The following SOX6 variants were observed in gnomAD, a reference collection of about 807,000 sequenced individuals.
SOX6 encodes transcription factor SOX-6.
Under a neutral mutation model 97.8 loss-of-function variants are expected in SOX6, and 11 were observed. That is an observed-to-expected ratio of 0.11 (90% CI 0.07 to 0.19). SOX6 has a LOEUF of 0.19. Among genes scored for constraint, SOX6 ranks in the 10% least tolerant of loss-of-function variants. The probability of loss-of-function intolerance (pLI) is 1.00; values close to 1 mark genes in which losing one functional copy is unlikely to be tolerated. For missense variants in SOX6, 810 were observed against 1,039.5 expected, an observed-to-expected ratio of 0.78 and a Z score of 3.04; for synonymous variants, 360 against 371.4, an observed-to-expected ratio of 0.97 and a Z score of 0.35.
At chr11:16,461,100 T>C (rs1859916602) in intron 1 of SOX6, among the ~76,000 whole-genome samples, 1 of 152,286 alleles carries the variant, frequency 6.6e-6, no homozygotes, top group South Asian at 2.1e-4. Flanking sequence ...ATTTGCACAC[T>C]GACAAGAGAT....
intron 1 of SOX6, among the ~76,000 whole-genome samples, chr11:16,341,742 G>A (rs1283113786): frequency 6.6e-6 from 1 of 152,004 alleles, no homozygotes; most frequent in Non-Finnish European, 1.5e-5. Context: ...AATATAATCA[G>A]GAGAGTAAAT....
intron 6 of SOX6, among the ~76,000 whole-genome samples, chr11:16,164,918 A>G (rs2134075212): frequency 6.6e-6 from 1 of 152,132 alleles, no homozygotes; most frequent in Admixed American, 6.5e-5. Flanking sequence ...TCATATAGCT[A>G]ATTTCAGTCT....
Position 16,050,049 on chromosome 11 carries a change from CAAT to C in SOX6, c.1252-114_1252-112del, listed in dbSNP as rs532497112. On this transcript the variant is annotated intron_variant, in intron 10 of 15. Transcript: ENST00000683767. ...TCAGAGACAATGCCACATTCTCCTACAATAATAACAAAAGAAGCTAATTATCTA... is the reference window on the plus strand; with the variant it reads ...TCAGAGACAATGCCACATTCTCCTACAATAACAAAAGAAGCTAATTATCTA... The C allele has an allele frequency of 1.8e-4, 198 of 1,095,460 alleles. 2 individuals are homozygous for C. The African/African-American group carries it at 2.4e-3, about 13-fold the overall frequency. The allele number at this position is 1,095,460 out of a possible 1,614,324, so 67.9% of individuals were successfully genotyped here.
intron 1 of SOX6, among the ~76,000 whole-genome samples, chr11:16,473,505 G>T (rs1373332690): frequency 6.6e-6 from 1 of 151,802 alleles, no homozygotes; most frequent in African/African-American, 2.4e-5. Context: ...TGACTGGTCA[G>T]GGTGGTAGTT....
At chr11:16,408,562 C>G (rs1175165383) in intron 1 of SOX6, 2 of 152,216 alleles carry the variant, frequency 1.3e-5, no homozygotes, top group Admixed American at 6.5e-5. Context: ...AGCATACTCT[C>G]TTAAATTACA....
intron 3 of SOX6, among the ~76,000 whole-genome samples, chr11:16,247,583 G>A (rs1853377701): frequency 6.6e-6 from 1 of 152,158 alleles, no homozygotes; most frequent in South Asian, 2.1e-4. Flanking sequence ...ATAGGAAGGA[G>A]AAGAATGAGA....
chr11:16,353,975 C>T (rs1857014323), intron 1 of SOX6, among the ~76,000 whole-genome samples: 1 of 151,962 alleles, frequency 6.6e-6, no homozygotes, highest in African/African-American at 2.4e-5. Flanking sequence ...TTTTAGATTT[C>T]TTCAAAAGTA....
In SOX6 at chr11:16,431,059, C is replaced by T. The variant is rs548278996; in HGVS notation, c.-5+45256G>A. On this transcript the variant is annotated intron_variant, in intron 1 of 15. Coordinates refer to the SOX6 transcript ENST00000396356. ...ACTCCTCTATGTCAGGATACTGGTTCTCTCTTTCTAGAATGGTCTTCCACC... is the reference window on the plus strand; with the variant it reads ...ACTCCTCTATGTCAGGATACTGGTTTTCTCTTTCTAGAATGGTCTTCCACC... 3.1e-4 allele frequency among the ~76,000 whole-genome samples: 47 copies of T among 152,240 alleles called. 1 individual carries two copies. The South Asian group carries it at 5.6e-3, about 18-fold the overall frequency.
chr11:16,328,968 T>C (rs1565094770), intron 2 of SOX6, among the ~76,000 whole-genome samples: 2 of 152,190 alleles, frequency 1.3e-5, no homozygotes, highest in Non-Finnish European at 2.9e-5. Flanking sequence ...ATGACAAAAG[T>C]ATCATTTTTT....
intron 3 of SOX6, among the ~76,000 whole-genome samples, chr11:16,253,383 A>T (rs1395041310): frequency 6.6e-6 from 1 of 152,046 alleles, no homozygotes; most frequent in East Asian, 1.9e-4. Flanking sequence ...CATCAGAGCC[A>T]GAGTCAAATG....
chr11:16,048,527 T>G (rs1205717336), intron 11 of SOX6, among the ~76,000 whole-genome samples: 2 of 152,184 alleles, frequency 1.3e-5, no homozygotes, highest in Admixed American at 1.3e-4. Context: ...AATTAACAGC[T>G]GCAGGAGTGT....
At chr11:16,343,837 T>A (rs1856706581) in intron 1 of SOX6, among the ~76,000 whole-genome samples, 1 of 151,856 alleles carries the variant, frequency 6.6e-6, no homozygotes, top group African/African-American at 2.4e-5. Flanking sequence ...ATTTATAACA[T>A]CTCACAATTT....
intron 4 of SOX6, among the ~76,000 whole-genome samples, chr11:16,191,206 A>G (rs1590014271): frequency 6.6e-6 from 1 of 152,124 alleles, no homozygotes; most frequent in Non-Finnish European, 1.5e-5. Flanking sequence ...TGTAATCCCA[A>G]CACTTTGAGA....
At chr11:16,347,392 T>C (rs902619984) in intron 1 of SOX6, among the ~76,000 whole-genome samples, 2 of 152,130 alleles carry the variant, frequency 1.3e-5, no homozygotes, top group Admixed American at 1.3e-4. Context: ...ATAAATTCAG[T>C]GACTTAACAA....
At chr11:16,718,793 C>A in intron 2 of SOX6, among the ~76,000 whole-genome samples, 1 of 151,538 alleles carries the variant, frequency 6.6e-6, no homozygotes, top group African/African-American at 2.4e-5. Flanking sequence ...AAAATAAATG[C>A]TGTTTTATTA....
At chr11:16,144,599 C>T (rs2134045527) in intron 6 of SOX6, among the ~76,000 whole-genome samples, 1 of 152,092 alleles carries the variant, frequency 6.6e-6, no homozygotes, top group Non-Finnish European at 1.5e-5. Flanking sequence ...TGATAGAACG[C>T]TAGCAAGACT....
At chr11:16,574,685 T>A (rs1396608390) in intron 4 of SOX6, among the ~76,000 whole-genome samples, 4 of 152,080 alleles carry the variant, frequency 2.6e-5, no homozygotes, top group African/African-American at 9.7e-5. Flanking sequence ...GAAGAAGATA[T>A]CTGCAATACA....
At chr11:16,517,715 G>A (rs1860995857) in intron 4 of SOX6, among the ~76,000 whole-genome samples, 1 of 152,114 alleles carries the variant, frequency 6.6e-6, no homozygotes, top group Non-Finnish European at 1.5e-5. Context: ...AAATATAACT[G>A]TCACTATGAT....
intron 3 of SOX6, among the ~76,000 whole-genome samples, chr11:16,704,233 A>G (rs181398236): frequency 7.0e-4 from 107 of 152,330 alleles, no homozygotes; most frequent in African/African-American, 2.4e-3. Flanking sequence ...CTTTGTTTCA[A>G]GAATTACAAT....
Sources: allele counts gnomAD v4.1 joint callset (sites outside exome capture counted in the v4.1 genomes callset), GRCh38; gene constraint gnomAD v4.1.1; transcripts MANE v1.5; gene names NCBI Gene and HGNC (gene_info 2026-07-23, HGNC 2026-07-21).